Variants in BBS9 observed in about 807,000 individuals in gnomAD.
BBS9 encodes the protein Bardet-Biedl syndrome 9, also known as protein PTHB1.
A neutral mutation model predicts 117.7 loss-of-function variants in BBS9; 89 were observed. The ratio of observed to expected loss-of-function variants is 0.76; its 90% CI spans 0.64 to 0.90. The LOEUF (loss-of-function observed/expected upper bound fraction) is 0.90, where lower values mean the gene tolerates loss of function less well. Among genes scored for constraint, BBS9 ranks in the 40% least tolerant of loss-of-function variants. The pLI, the probability that BBS9 is intolerant of heterozygous loss-of-function variation, is 0.00. For synonymous variants in BBS9, 379 were observed against 370.9 expected (o/e 1.02, Z -0.25); for missense variants, 982 against 1,042.2 (o/e 0.94, Z 0.80).
rs1311340307 is a variant in BBS9, at chr7:33,461,385, T to C, written c.2116-44078T>C. ...CATTATCAAAATCAAAATGCTCAAT[T>C]TGGAAACATACTTTCCTCAATGCTT... On this transcript the variant is annotated intron_variant, in intron 19 of 22. Coordinates refer to ENST00000242067, the MANE Select transcript of BBS9 (RefSeq NM_198428.3). 3.3e-5 allele frequency among the ~76,000 whole-genome samples: 5 copies of C among 152,038 alleles called. No individual in the cohort carries two copies. In the East Asian group the frequency reaches 5.8e-4, roughly 18 times the overall value.
intron 21 of BBS9, among the ~76,000 whole-genome samples, chr7:33,590,467 T>TTG (rs1563412750): frequency 2.5e-4 from 20 of 78,954 alleles, no homozygotes; most frequent in Admixed American, 1.0e-3. Context: ...TTGTTTTTTT[T>TTG]TTTTTTTTTT....
intron 21 of BBS9, among the ~76,000 whole-genome samples, chr7:33,565,504 C>T (rs1856701237): frequency 6.6e-6 from 1 of 151,914 alleles, no homozygotes; most frequent in Non-Finnish European, 1.5e-5. Context: ...TGATGTTATT[C>T]AGTAGTTTAT....
At chr7:33,382,457 C>T (rs1264957196) in intron 17 of BBS9, among the ~76,000 whole-genome samples, 3 of 68,070 alleles carry the variant, frequency 4.4e-5, no homozygotes, top group Non-Finnish European at 7.7e-5. Context: ...GAGACCCTGT[C>T]TCAAAAAAAA....
intron 21 of BBS9, among the ~76,000 whole-genome samples, chr7:33,596,922 G>A (rs1419002840): frequency 1.3e-5 from 2 of 151,810 alleles, no homozygotes; most frequent in Admixed American, 1.3e-4. Flanking sequence ...CAGATGCCTG[G>A]CTTTTTATAG....
chr7:33,284,023 A>G (rs1802410072), intron 9 of BBS9, among the ~76,000 whole-genome samples: 1 of 152,126 alleles, frequency 6.6e-6, no homozygotes, highest in Non-Finnish European at 1.5e-5. Flanking sequence ...TTGGTTAGGA[A>G]GCTGATAAAA....
At chr7:33,492,053 A>T (rs1018944985) in intron 19 of BBS9, among the ~76,000 whole-genome samples, 1 of 151,918 alleles carries the variant, frequency 6.6e-6, no homozygotes, top group South Asian at 2.1e-4. Context: ...TACAAAAAAA[A>T]TTAGCTGGGC....
intron 9 of BBS9, among the ~76,000 whole-genome samples, chr7:33,312,251 A>G (rs186214948): frequency 2.2e-4 from 34 of 152,278 alleles, no homozygotes; most frequent in Non-Finnish European, 3.8e-4. Context: ...TGCATCCATG[A>G]TATTATTTAG....
At chr7:33,287,686 A>G (rs1803163192) in intron 9 of BBS9, among the ~76,000 whole-genome samples, 1 of 152,202 alleles carries the variant, frequency 6.6e-6, no homozygotes, top group African/African-American at 2.4e-5. Flanking sequence ...GCAGTTTACT[A>G]TTTAAAATAA....
intron 5 of BBS9, among the ~76,000 whole-genome samples, chr7:33,186,118 T>C (rs774598790): frequency 2.0e-5 from 3 of 152,264 alleles, no homozygotes; most frequent in Non-Finnish European, 4.4e-5. Flanking sequence ...GCTGTGCTTC[T>C]CAAACTTTTA....
At chr7:33,260,357 C>T (rs542583424) in intron 6 of BBS9, among the ~76,000 whole-genome samples, 1 of 152,264 alleles carries the variant, frequency 6.6e-6, no homozygotes, top group South Asian at 2.1e-4. Context: ...CATTTTACCT[C>T]TATGATGTGG....
intron 21 of BBS9, among the ~76,000 whole-genome samples, chr7:33,545,126 G>T (rs1853091044): frequency 6.6e-6 from 1 of 152,310 alleles, no homozygotes; most frequent in African/African-American, 2.4e-5. Context: ...CCACTTCCCA[G>T]CTGTGAGAGA....
chr7:33,507,263 T>A (rs1846275429), intron 20 of BBS9, among the ~76,000 whole-genome samples: 2 of 152,174 alleles, frequency 1.3e-5, no homozygotes, highest in African/African-American at 2.4e-5. Context: ...CGTTTTGAGA[T>A]GGAGTCTTGC....
chr7:33,527,776 G>T (rs536834317), intron 20 of BBS9, among the ~76,000 whole-genome samples: 1 of 152,046 alleles, frequency 6.6e-6, no homozygotes, highest in African/African-American at 2.4e-5. Context: ...TCCTCCTCTC[G>T]GGCTGTTTTA....
At chr7:33,405,115 G>A (rs1002433018) in intron 19 of BBS9, among the ~76,000 whole-genome samples, 1 of 152,112 alleles carries the variant, frequency 6.6e-6, no homozygotes, top group Non-Finnish European at 1.5e-5. Flanking sequence ...TGTGTTTTTT[G>A]TCTTTGGTTC....
At chr7:33,531,989 C>T (rs1445490898) in intron 20 of BBS9, among the ~76,000 whole-genome samples, 1 of 152,242 alleles carries the variant, frequency 6.6e-6, no homozygotes, top group African/African-American at 2.4e-5. Flanking sequence ...TGACCATCCT[C>T]TGTATACCAA....
chr7:33,307,473 C>G (rs934225175), intron 9 of BBS9, among the ~76,000 whole-genome samples: 8 of 151,016 alleles, frequency 5.3e-5, no homozygotes, highest in Non-Finnish European at 1.0e-4. Flanking sequence ...GAAGTATAAT[C>G]TTTGCCTTAA....
intron 5 of BBS9, among the ~76,000 whole-genome samples, chr7:33,239,442 G>A (rs1047034422): frequency 5.3e-5 from 8 of 151,336 alleles, no homozygotes; most frequent in Non-Finnish European, 1.0e-4. Context: ...ACAGAGTCTT[G>A]CTCTGTCACC....
intron 18 of BBS9, among the ~76,000 whole-genome samples, chr7:33,384,995 T>C (rs1247417294): frequency 6.6e-6 from 1 of 152,160 alleles, no homozygotes; most frequent in Non-Finnish European, 1.5e-5. Context: ...TGTTTAGGTA[T>C]CGTATGGAAT....
chr7:33,622,961 A>G (rs1178079951), intron 21 of BBS9, among the ~76,000 whole-genome samples: 3 of 152,216 alleles, frequency 2.0e-5, no homozygotes, highest in African/African-American at 7.2e-5. Context: ...AAAACAACAA[A>G]TATTTTAGGA....
Sources: allele counts gnomAD v4.1 joint callset (sites outside exome capture counted in the v4.1 genomes callset), GRCh38; gene constraint gnomAD v4.1.1; transcripts MANE v1.5; gene names NCBI Gene and HGNC (gene_info 2026-07-23, HGNC 2026-07-21).